ZNF143: variants seen among roughly 807,000 people sequenced by gnomAD.
ZNF143 encodes SPH-binding factor.
Under a neutral mutation model 74.1 loss-of-function variants are expected in ZNF143, and 49 were observed. That is an observed-to-expected ratio of 0.66 (90% confidence interval 0.53 to 0.84). The LOEUF is 0.84. Ranked by LOEUF, ZNF143 falls within the 40% of genes least tolerant of loss-of-function variation. The pLI, the probability that ZNF143 is intolerant of heterozygous loss-of-function variation, is 0.00. For missense variants in ZNF143, 637 were observed against 793.4 expected, an observed-to-expected ratio of 0.80 and a Z score of 2.37; for synonymous variants, 304 against 282.8, an observed-to-expected ratio of 1.07 and a Z score of -0.75.
chr11:9,488,260 A>G (rs1847637707), intron 7 of ZNF143, among the ~76,000 whole-genome samples: 1 of 152,200 alleles, frequency 6.6e-6, no homozygotes, highest in Non-Finnish European at 1.5e-5. Context: ...GAAAAAAATT[A>G]ATTAATTAAC....
chr11:9,467,084 G>T (rs998780319), intron 1 of ZNF143, among the ~76,000 whole-genome samples: 5 of 151,772 alleles, frequency 3.3e-5, no homozygotes, highest in African/African-American at 1.2e-4. Context: ...AGTAGAGACG[G>T]GGTTTCACCG....
chr11:9,470,588 C>G (rs1379074879), intron 1 of ZNF143, among the ~76,000 whole-genome samples: 1 of 152,074 alleles, frequency 6.6e-6, no homozygotes, highest in African/African-American at 2.4e-5. Context: ...GCAGAACATC[C>G]AATATGCTTG....
intron 8 of ZNF143, 143 bp from the exon 9 acceptor site, chr11:9,496,160 G>C: frequency 1.5e-6 from 1 of 670,344 alleles, no homozygotes; most frequent in Non-Finnish European, 2.6e-6. Context: ...TTGGGCTATC[G>C]TTTTTGTGAA....
chr11:9,518,806 A>C (rs1419048227), intron 14 of ZNF143, among the ~76,000 whole-genome samples: 1 of 152,066 alleles, frequency 6.6e-6, no homozygotes, highest in Non-Finnish European at 1.5e-5. Flanking sequence ...TGCTTGTTAC[A>C]TATTGCCAAA....
chr11:9,509,254 G>T (rs570995947), intron 12 of ZNF143, among the ~76,000 whole-genome samples: 2 of 152,334 alleles, frequency 1.3e-5, no homozygotes, highest in South Asian at 2.1e-4. Flanking sequence ...GGGCAGTTCT[G>T]CCTGGGAAGG....
In ZNF143 at chr11:9,464,086, T is replaced by TGTG. The variant is rs1565016580; in HGVS notation, c.-8+3010_-8+3011insGTG. 3.5e-3 allele frequency among the ~76,000 whole-genome samples: 438 copies of TGTG among 124,120 alleles called. 1 individual carries two copies. The highest frequency in any genetic ancestry group is 4.9e-3 in the Admixed American group (54 of 10,936). 81.4% of individuals were successfully genotyped at this position (124,120 alleles called of 152,430 possible). ...ATTTAGGGATGTCGTGTGTGTGTGTTTGTGTGTGTGTGTGTGTGTGTGTGT... is the reference window on the plus strand; with the variant it reads ...ATTTAGGGATGTCGTGTGTGTGTGTTGTGTGTGTGTGTGTGTGTGTGTGTGTGT... On this transcript the variant is annotated intron_variant, in intron 1 of 15. Transcript: ENST00000396602.
At chr11:9,507,086 C>G (rs1473989809) in intron 11 of ZNF143, among the ~76,000 whole-genome samples, 1 of 152,140 alleles carries the variant, frequency 6.6e-6, no homozygotes, top group Non-Finnish European at 1.5e-5. Flanking sequence ...GGGAACTGGG[C>G]AGAGGACAGG....
intron 11 of ZNF143, among the ~76,000 whole-genome samples, chr11:9,508,229 A>G (rs1045381323): frequency 1.3e-5 from 2 of 152,234 alleles, no homozygotes; most frequent in African/African-American, 4.8e-5. Flanking sequence ...TCTTTATGAA[A>G]TTCTTAGGAA....
chr11:9,474,711 C>G (rs1429044397), intron 5 of ZNF143, 78 bp downstream of exon 5: 3 of 1,343,502 alleles, frequency 2.2e-6, no homozygotes, highest in Non-Finnish European at 2.1e-6. Flanking sequence ...TGTTTAGCTT[C>G]TGAATTGTTG....
At chr11:9,473,720 A>G (rs1856719091) in intron 3 of ZNF143, 3 of 1,434,826 alleles carry the variant, frequency 2.1e-6, no homozygotes, top group Non-Finnish European at 2.8e-6. Context: ...GACCTCATCT[A>G]ATTGAAAATT....
chr11:9,479,526 G>T lies in ZNF143; in HGVS notation c.625G>T (p.Glu209Ter). 6.2e-7 allele frequency: 1 copy of T among 1,612,890 alleles called. No homozygotes were observed. Among genetic ancestry groups the T allele is most frequent in the South Asian group, 1.1e-5 (1 of 90,984 alleles). Residue 209 changes from glutamate (E) to a stop codon, truncating the protein, a stop_gained, in exon 7 of 16, where the codon GAG (glutamate) becomes TAG (stop). Coordinates refer to ENST00000396602, the MANE Select transcript of ZNF143 (RefSeq NM_003442.6). LOFTEE classifies it high-confidence loss of function. ...AGGTACTGGAATGATTGGAGAAAAT[G>T]AGCAAGAGAAAAAAATGCAGGTATG... ...VAGTGMIGENEQEKKMQIVLQ... is the reference protein window; with the variant it reads ...VAGTGMIGEN
Position 9,488,496 on chromosome 11 carries a change from A to G in ZNF143, c.646-6150A>G, listed in dbSNP as rs149526489. Among the ~76,000 whole-genome samples, 310 of 152,262 alleles carry G rather than the reference A, an allele frequency of 2.0e-3. 1 individual carries two copies. Among genetic ancestry groups the G allele is most frequent in the Non-Finnish European group, 1.7e-3 (116 of 68,030 alleles). ...TAGATAACACTCCAAACCTTTGACC[A>G]TACTATTCCTTCTGCCTAGACAGCA... On this transcript the variant is annotated intron_variant, in intron 7 of 15. Coordinates refer to ENST00000396602, the MANE Select transcript of ZNF143 (RefSeq NM_003442.6).
chr11:9,466,457 G>A (rs991367427), intron 1 of ZNF143, among the ~76,000 whole-genome samples: 2 of 150,216 alleles, frequency 1.3e-5, no homozygotes, highest in East Asian at 3.9e-4. Flanking sequence ...CACCACGCCT[G>A]GCTAATTTTT....
At chr11:9,516,853 T>G (rs934058381) in intron 14 of ZNF143, among the ~76,000 whole-genome samples, 1 of 152,204 alleles carries the variant, frequency 6.6e-6, no homozygotes, top group South Asian at 2.1e-4. Context: ...CTTCCAGTCA[T>G]TAAGCATATA....
intron 13 of ZNF143, among the ~76,000 whole-genome samples, chr11:9,515,618 C>T (rs1437423161): frequency 1.4e-5 from 2 of 147,890 alleles, no homozygotes; most frequent in Admixed American, 6.9e-5. Flanking sequence ...TGCGCCACTG[C>T]ACTCCAGCCT....
chr11:9,485,294 C>T (rs1251118449), intron 7 of ZNF143, among the ~76,000 whole-genome samples: 1 of 149,074 alleles, frequency 6.7e-6, no homozygotes, highest in African/African-American at 2.5e-5. Flanking sequence ...GATCTACTGC[C>T]TGATAGTAAT....
chr11:9,521,105 C>T (rs1848909351), intron 14 of ZNF143, among the ~76,000 whole-genome samples: 1 of 152,152 alleles, frequency 6.6e-6, no homozygotes, highest in South Asian at 2.1e-4. Flanking sequence ...ACACCCCCAC[C>T]AGAGGAACAC....
intron 14 of ZNF143, among the ~76,000 whole-genome samples, chr11:9,521,557 G>T (rs572238982): frequency 2.6e-5 from 4 of 151,326 alleles, no homozygotes; most frequent in Admixed American, 2.6e-4. Context: ...TTCTTTTTGC[G>T]GAGGTTTTTT....
intron 14 of ZNF143, among the ~76,000 whole-genome samples, chr11:9,522,893 C>T (rs1198040652): frequency 2.0e-5 from 3 of 151,876 alleles, no homozygotes; most frequent in African/African-American, 4.8e-5. Context: ...TCCCGAGTAG[C>T]TGGGACTACA....
Sources: allele counts gnomAD v4.1 joint callset (sites outside exome capture counted in the v4.1 genomes callset), GRCh38; gene constraint gnomAD v4.1.1; transcripts MANE v1.5; gene names NCBI Gene and HGNC (gene_info 2026-07-23, HGNC 2026-07-21).